The following PROKR2 variants were observed in gnomAD, a reference collection of about 807,000 sequenced individuals.
PROKR2 encodes the protein G protein-coupled receptor 73-like 1.
Under a neutral mutation model 23.4 loss-of-function variants are expected in PROKR2, and 26 were observed. That is an observed-to-expected ratio of 1.11 (90% CI 0.81 to 1.54). The LOEUF (loss-of-function observed/expected upper bound fraction) is 1.54. Among genes scored for constraint, PROKR2 ranks in the 40% most tolerant of loss-of-function variants. The pLI, the probability that PROKR2 is intolerant of heterozygous loss-of-function variation, is 0.00. For synonymous variants in PROKR2, 212 were observed against 201.2 expected (o/e 1.05, Z -0.45); for missense variants, 453 against 511.5 (o/e 0.89, Z 1.10).
chr20:5,313,897 A>G lies in PROKR2; in HGVS notation c.458+15T>C. The stretch of plus-strand genomic sequence containing the variant: ...CTGGCCCAGCCCCACCACTCACCCC[A>G]CCCACCATCCTCACCTGTCAATGGC... On this transcript the variant is annotated intron_variant, in intron 2 of 2. Coordinates refer to ENST00000678254, the MANE Select transcript of PROKR2 (RefSeq NM_144773.4). The G allele has an allele frequency of 6.2e-7, 1 of 1,610,166 alleles. No homozygotes were observed. Among genetic ancestry groups the G allele is most frequent in the Non-Finnish European group, 8.5e-7 (1 of 1,176,742 alleles).
At position 5,316,771 on chromosome 20, in the gene PROKR2, C is replaced by T. The variant is rs1979697665; in HGVS notation, c.-286G>A. ...GCGCCCCGCCCCGCGCTGGACTCCG[C>T]CCCGGGGTCCCCGCCTGCCTCCTAG... On this transcript the variant is annotated 5_prime_UTR_variant, in exon 1 of 3. Coordinates refer to ENST00000678254, the MANE Select transcript of PROKR2 (RefSeq NM_144773.4). The surrounding 1 kb of genome is among the most constrained non-coding windows in gnomAD (Gnocchi z 5.0). 1.3e-5 allele frequency among the ~76,000 whole-genome samples: 2 copies of T among 152,200 alleles called. No homozygotes were observed. Among genetic ancestry groups the T allele is most frequent in the Non-Finnish European group, 1.5e-5 (1 of 68,028 alleles).
chr20:5,307,683 A>AC (rs1979271945), intron 2 of PROKR2, among the ~76,000 whole-genome samples: 1 of 152,262 alleles, frequency 6.6e-6, no homozygotes, highest in African/African-American at 2.4e-5. Context: ...TGGTCTGAAC[A>AC]AAATGGTCAG....
At chr20:5,315,732 T>G in intron 1 of PROKR2, 1 of 397,620 alleles carries the variant, frequency 2.5e-6, no homozygotes, top group Middle Eastern at 3.6e-4. Flanking sequence ...AGAGGCGAGA[T>G]GCAAATCCCA....
rs1336594664 is a variant in PROKR2, at chr20:5,316,746, G to A, written c.-261C>T. Reference sequence around the variant, plus strand: ...GCTCTTTCCAGCGTCTCGGACCTGTGCGCCCCGCCCCGCGCTGGACTCCGC... The same window carrying A: ...GCTCTTTCCAGCGTCTCGGACCTGTACGCCCCGCCCCGCGCTGGACTCCGC... On this transcript the variant is annotated 5_prime_UTR_variant, in exon 1 of 3. Coordinates refer to ENST00000678254, the MANE Select transcript of PROKR2 (RefSeq NM_144773.4). This position sits in a 1 kb window ranked among gnomAD's most constrained non-coding sequence, Gnocchi z 5.0. 6.6e-6 allele frequency among the ~76,000 whole-genome samples: 1 copy of A among 152,196 alleles called. No individual in the cohort carries two copies. The highest frequency in any genetic ancestry group is 1.5e-5 in the Non-Finnish European group (1 of 68,036).
chr20:5,314,020 C>T lies in PROKR2; in HGVS notation c.350G>A (p.Arg117Gln), dbSNP rs755272935. 33 of 1,614,010 alleles carry T rather than the reference C, an allele frequency of 2.0e-5. No individual in the cohort carries two copies. The highest frequency in any genetic ancestry group is 1.6e-4 in the Middle Eastern group (1 of 6,084). ...GTGGCCATGCTCCCAGGAGAGCTGC[C>T]GTACCACGTAGTAGTCCATCTCGAA... ...CPFEMDYYVV[R>Q]QLSWEHGHVL... Residue 117 changes from arginine (R) to glutamine (Q), a missense_variant, in exon 2 of 3, where the codon CGG (arginine) becomes CAG (glutamine). Arg to Gln is a conservative substitution (Grantham distance 43). Coordinates refer to ENST00000678254, the MANE Select transcript of PROKR2 (RefSeq NM_144773.4).
intron 2 of PROKR2, among the ~76,000 whole-genome samples, chr20:5,304,263 C>G (rs1979132216): frequency 1.3e-5 from 2 of 152,202 alleles, no homozygotes; most frequent in South Asian, 2.1e-4. Flanking sequence ...ATACACCGCC[C>G]CAGATCAACA....
intron 2 of PROKR2, among the ~76,000 whole-genome samples, chr20:5,307,604 T>C (rs1324521648): frequency 6.6e-6 from 1 of 152,198 alleles, no homozygotes; most frequent in Non-Finnish European, 1.5e-5. Flanking sequence ...TATTGATTGG[T>C]CCCCTTAGGG....
intron 2 of PROKR2, among the ~76,000 whole-genome samples, chr20:5,308,231 A>T (rs921229811): frequency 6.6e-6 from 1 of 150,944 alleles, no homozygotes; most frequent in Non-Finnish European, 1.5e-5. Context: ...CTGGCCCCCA[A>T]ACTGGCCATA....
chr20:5,305,991 T>C (rs750803583), intron 2 of PROKR2, among the ~76,000 whole-genome samples: 4 of 152,096 alleles, frequency 2.6e-5, no homozygotes, highest in Non-Finnish European at 5.9e-5. Flanking sequence ...TGAAATGGGG[T>C]ATGTCCCTGG....
At position 5,316,031 on chromosome 20, in the gene PROKR2, G is replaced by A. The variant is rs1451471429; in HGVS notation, c.-9+463C>T. 2.6e-5 allele frequency: 12 copies of A among 456,582 alleles called. No homozygotes were observed. Among genetic ancestry groups the A allele is most frequent in the African/African-American group, 1.0e-4 (5 of 50,068 alleles). 28.3% of individuals were successfully genotyped at this position (456,582 alleles called of 1,614,324 possible). On this transcript the variant is annotated intron_variant, in intron 1 of 2. Coordinates refer to ENST00000678254, the MANE Select transcript of PROKR2 (RefSeq NM_144773.4). The surrounding 1 kb of genome is among the most constrained non-coding windows in gnomAD (Gnocchi z 5.0). ...GTCGGCGTCTAGAGGCGACATCCTG[G>A]CAAAGACAGGAATCAAGTCAGAAAT...
At chr20:5,313,096 T>C (rs1166562753) in intron 2 of PROKR2, among the ~76,000 whole-genome samples, 2 of 152,172 alleles carry the variant, frequency 1.3e-5, no homozygotes, top group African/African-American at 4.8e-5. Flanking sequence ...ATTGTATACA[T>C]ACATGCATAG....
In PROKR2 at chr20:5,314,034, G is replaced by A. The variant is rs777312812; in HGVS notation, c.336C>T (p.Asp112=). ...VAIICCPFEM[D]YYVVRQLSWE... is the part of the protein sequence containing the mutation. ...AGGAGAGCTGCCGTACCACGTAGTA[G>A]TCCATCTCGAAGGGGCAGCAGATGA... is the stretch of plus-strand genomic sequence containing the variant. The change falls in exon 2 of 3, where the codon GAC becomes GAT. Residue 112 remains aspartate, a synonymous_variant. Coordinates refer to ENST00000678254, the MANE Select transcript of PROKR2 (RefSeq NM_144773.4). 7 of 1,614,090 alleles carry A rather than the reference G, an allele frequency of 4.3e-6. No homozygotes were observed. The African/African-American group carries it at 8.0e-5, about 18-fold the overall frequency.
In PROKR2 at chr20:5,316,184, C is replaced by G. The variant is rs1228589775; in HGVS notation, c.-9+310G>C. On this transcript the variant is annotated intron_variant, in intron 1 of 2. Transcript: ENST00000678254. This position sits in a 1 kb window ranked among gnomAD's most constrained non-coding sequence, Gnocchi z 5.0. ...TTCCTGCTCACCTTTCAGGAAGGTG[C>G]CCCTCTACCTGCACCCTCCCCTGCA... The G allele has an allele frequency of 2.2e-6, 1 of 456,552 alleles. No homozygotes were observed. The highest frequency in any genetic ancestry group is 4.4e-6 in the Non-Finnish European group (1 of 226,960). 28.3% of individuals were successfully genotyped at this position (456,552 alleles called of 1,614,324 possible). A position where few individuals can be genotyped will look rare whatever the true frequency, so the allele number is the denominator to read the frequency against.
At chr20:5,315,948 C>T (rs1444852460) in intron 1 of PROKR2, 1 of 456,408 alleles carries the variant, frequency 2.2e-6, no homozygotes, top group East Asian at 7.0e-5. Context: ...TTGCACTCCC[C>T]GCCCGGGAGC....
In PROKR2 at chr20:5,302,006, G is replaced by A. The variant is rs538706342; in HGVS notation, c.*34C>T. 1.9e-6 allele frequency: 3 copies of A among 1,581,404 alleles called. No homozygotes were observed. The highest frequency in any genetic ancestry group is 2.7e-5 in the African/African-American group (2 of 74,454). Reference sequence around the variant, plus strand: ...GATGGTGGGTGATGCTCTGAGTACTGGACTGGGGTTTTCAATTGTGTGACA... The same window carrying A: ...GATGGTGGGTGATGCTCTGAGTACTAGACTGGGGTTTTCAATTGTGTGACA... On this transcript the variant is annotated 3_prime_UTR_variant, in exon 3 of 3. Transcript: ENST00000678254.
intron 2 of PROKR2, among the ~76,000 whole-genome samples, chr20:5,309,560 C>T (rs367888052): frequency 2.0e-5 from 3 of 152,298 alleles, no homozygotes; most frequent in East Asian, 3.9e-4. Context: ...CCCAGATAAT[C>T]CAGTATAATT....
rs1391735710 is a variant in PROKR2, at chr20:5,302,674, A to G, written c.521T>C (p.Ile174Thr). The change falls in exon 3 of 3, where the codon ATC (isoleucine) becomes ACC (threonine). Residue 174 changes from isoleucine (I) to threonine (T), a missense_variant. Coordinates refer to ENST00000678254, the MANE Select transcript of PROKR2 (RefSeq NM_144773.4). The stretch of plus-strand genomic sequence containing the variant: ...AATGGACACCATCCAGACCAAGGCG[A>G]TCAGGAAGGAGGCCGTTTGATAATT... ...RMNYQTASFL[I>T]ALVWMVSILI... 1 of 1,614,210 alleles carries G rather than the reference A, an allele frequency of 6.2e-7. No individual in the cohort carries two copies. The highest frequency in any genetic ancestry group is 1.7e-5 in the Admixed American group (1 of 60,030).
Position 5,316,285 on chromosome 20 carries a change from C to T in PROKR2, c.-9+209G>A, listed in dbSNP as rs1431428692. On this transcript the variant is annotated intron_variant, in intron 1 of 2. Coordinates refer to ENST00000678254, the MANE Select transcript of PROKR2 (RefSeq NM_144773.4). This position sits in a 1 kb window ranked among gnomAD's most constrained non-coding sequence, Gnocchi z 5.0. Reference sequence around the variant, plus strand: ...GCCCGCACACCACAGACTCCGCTTACCGTACCCTACCCGGTCCTAGAGGGC... The same window carrying T: ...GCCCGCACACCACAGACTCCGCTTATCGTACCCTACCCGGTCCTAGAGGGC... 2.2e-6 allele frequency: 1 copy of T among 456,722 alleles called. No homozygotes were observed. The highest frequency in any genetic ancestry group is 2.0e-5 in the African/African-American group (1 of 50,208). 28.3% of individuals were successfully genotyped at this position (456,722 alleles called of 1,614,324 possible).
Position 5,315,328 on chromosome 20 carries a change from A to AACCCT in PROKR2, c.-8-956_-8-952dup, listed in dbSNP as rs537090818. Among the ~76,000 whole-genome samples the AACCCT allele has an allele frequency of 7.0e-4, 106 of 152,330 alleles. 1 individual carries two copies. The Middle Eastern group carries it at 0.024, about 34-fold the overall frequency. On this transcript the variant is annotated intron_variant, in intron 1 of 2. Coordinates refer to ENST00000678254, the MANE Select transcript of PROKR2 (RefSeq NM_144773.4). ...TGGCCCTAGTTCTCCACCCAGAGTC[A>AACCCT]ACCCTGCCTGAAAGGCACCATGTCC...
Sources: gnomAD v4.1 joint callset for allele counts (sites outside exome capture counted in the v4.1 genomes callset) on GRCh38, gnomAD v4.1.1 for gene constraint, Gnocchi (gnomAD v3.1) non-coding constraint, MANE v1.5 for transcripts, NCBI Gene and HGNC (gene_info 2026-07-23, HGNC 2026-07-21) for gene names.